Variants in POLR3B observed in about 807,000 individuals in gnomAD.
The protein encoded by POLR3B is DNA-directed RNA polymerase III subunit RPC2.
In POLR3B, 96 loss-of-function variants were observed where a neutral mutation model predicts 147.4. The observed-to-expected ratio is 0.65, with a 90% CI of 0.55 to 0.77. The LOEUF (loss-of-function observed/expected upper bound fraction) is 0.77, where lower values mean the gene tolerates loss of function less well. Ranked by LOEUF, POLR3B falls within the 30% of genes least tolerant of loss-of-function variation. The probability of loss-of-function intolerance (pLI) is 0.00; values close to 1 mark genes in which losing one functional copy is unlikely to be tolerated. For synonymous variants in POLR3B, 461 were observed against 485.9 expected, an observed-to-expected ratio of 0.95 and a Z score of 0.67; for missense variants, 1,036 against 1,413.5, an observed-to-expected ratio of 0.73 and a Z score of 4.28.
intron 23 of POLR3B, among the ~76,000 whole-genome samples, chr12:106,482,620 C>G (rs539685989): frequency 1.3e-5 from 2 of 152,258 alleles, no homozygotes; most frequent in African/African-American, 2.4e-5. Context: ...CTCCTCCCAC[C>G]AGGTTCTTCC....
intron 9 of POLR3B, among the ~76,000 whole-genome samples, chr12:106,383,319 G>T (rs2264812): frequency 0.9 from 136,831 of 152,242 alleles, 61,784 homozygotes; most frequent in East Asian, 1. Flanking sequence ...AATAGCACTT[G>T]TGATTTCCTT....
chr12:106,426,117 C>T (rs989692428), intron 12 of POLR3B, among the ~76,000 whole-genome samples: 2 of 152,070 alleles, frequency 1.3e-5, no homozygotes, highest in African/African-American at 4.8e-5. Context: ...GTGCCCTCCT[C>T]CTGCCAGCAG....
In POLR3B at chr12:106,376,353, A is replaced by T. The variant is rs757060723; in HGVS notation, c.405-6A>T. 1 of 1,599,996 alleles carries T rather than the reference A, an allele frequency of 6.3e-7. No individual in the cohort carries two copies. The highest frequency in any genetic ancestry group is 8.6e-7 in the Non-Finnish European group (1 of 1,169,040). ...GTGATATTTTCTTTTGTTTTATTTT[A>T]TACAGAATGCCCATAATGCTACGTA... On this transcript the variant is annotated splice_region_variant and splice_polypyrimidine_tract_variant and intron_variant, in intron 6 of 27. Coordinates refer to ENST00000228347, the MANE Select transcript of POLR3B (RefSeq NM_018082.6).
intron 23 of POLR3B, among the ~76,000 whole-genome samples, chr12:106,487,711 G>A (rs976987624): frequency 5.3e-5 from 8 of 152,196 alleles, no homozygotes; most frequent in East Asian, 1.9e-4. Flanking sequence ...CATCTGTCCC[G>A]CTCAAGCCTG....
intron 10 of POLR3B, among the ~76,000 whole-genome samples, chr12:106,400,242 A>T (rs909541918): frequency 6.6e-6 from 1 of 152,238 alleles, no homozygotes; most frequent in African/African-American, 2.4e-5. Flanking sequence ...AAAGAAGGCC[A>T]TTACATAATG....
chr12:106,495,214 A>G (rs2038461410), intron 23 of POLR3B, among the ~76,000 whole-genome samples: 1 of 152,216 alleles, frequency 6.6e-6, no homozygotes, highest in African/African-American at 2.4e-5. Context: ...ATGAAAAACT[A>G]TTTAGCAACA....
Position 106,496,761 on chromosome 12 carries a change from C to T in POLR3B, c.2827C>T (p.Leu943Phe). Residue 943 changes from leucine to phenylalanine, a missense_variant, in exon 25 of 28, where the codon CTC becomes TTC. Physicochemically the swap from Leu to Phe is conservative, Grantham distance 22. Coordinates refer to ENST00000228347, the MANE Select transcript of POLR3B (RefSeq NM_018082.6). ...GFPSRMTVGK[L>F]IELLAGKAGV... The stretch of plus-strand genomic sequence containing the variant: ...TGTTCACATCCTGCAGGTGGGGAAG[C>T]TCATTGAGCTGCTGGCTGGCAAGGC... 1.2e-6 allele frequency: 2 copies of T among 1,614,070 alleles called. No individual in the cohort carries two copies. Among genetic ancestry groups the T allele is most frequent in the Middle Eastern group, 1.7e-4 (1 of 6,060 alleles).
At chr12:106,366,495 T>C (rs1229285757) in intron 2 of POLR3B, 21 bp from the exon 3 acceptor site, 1 of 1,577,632 alleles carries the variant, frequency 6.3e-7, no homozygotes, top group Non-Finnish European at 8.7e-7. Context: ...ACCTGTTTAC[T>C]TTCTCTTTCT....
At chr12:106,400,438 TAACCAGGAATTG>T (rs1490662137) in intron 10 of POLR3B, among the ~76,000 whole-genome samples, 1 of 151,940 alleles carries the variant, frequency 6.6e-6, no homozygotes, top group African/African-American at 2.4e-5. Flanking sequence ...GACTGAAAGT[TAACCAGGAATTG>T]AACTCGACTC....
intron 21 of POLR3B, among the ~76,000 whole-genome samples, chr12:106,458,949 T>C (rs527240601): frequency 1.3e-5 from 2 of 152,286 alleles, no homozygotes; most frequent in Admixed American, 1.3e-4. Context: ...ATATATAAAA[T>C]TGCTATTTAC....
chr12:106,501,813 G>A (rs1299850471), intron 26 of POLR3B, among the ~76,000 whole-genome samples: 1 of 152,176 alleles, frequency 6.6e-6, no homozygotes, highest in East Asian at 1.9e-4. Flanking sequence ...GACACATGCA[G>A]ACATTATTTG....
At chr12:106,358,054 C>A (rs1365311946) in intron 1 of POLR3B, 103 bp downstream of exon 1, 1 of 1,555,404 alleles carries the variant, frequency 6.4e-7, no homozygotes, top group African/African-American at 1.3e-5. Context: ...GCGGTTTGTG[C>A]GCATGCGCCG....
intron 10 of POLR3B, among the ~76,000 whole-genome samples, chr12:106,395,736 AGGTG>A (rs1388112446): frequency 6.6e-6 from 1 of 152,018 alleles, no homozygotes; most frequent in Non-Finnish European, 1.5e-5. Flanking sequence ...CCAGAGGCCG[AGGTG>A]GGTGGATCAT....
At chr12:106,437,450 G>A (rs1362878667) in intron 17 of POLR3B, among the ~76,000 whole-genome samples, 1 of 152,016 alleles carries the variant, frequency 6.6e-6, no homozygotes, top group Non-Finnish European at 1.5e-5. Flanking sequence ...TTTAAGAAGT[G>A]GGGACTAGGT....
chr12:106,500,934 G>C (rs2038590278), intron 25 of POLR3B, among the ~76,000 whole-genome samples: 1 of 152,166 alleles, frequency 6.6e-6, no homozygotes, highest in African/African-American at 2.4e-5. Flanking sequence ...CATTTTAGAA[G>C]GCATCCCCCT....
At chr12:106,406,107 C>A in intron 11 of POLR3B, 131 bp downstream of exon 11, 1 of 898,060 alleles carries the variant, frequency 1.1e-6, no homozygotes, top group Non-Finnish European at 1.8e-6. Flanking sequence ...ACTGTACTGC[C>A]CCATCAGAAA....
chr12:106,427,583 T>C (rs2037455938), intron 13 of POLR3B, among the ~76,000 whole-genome samples: 1 of 152,186 alleles, frequency 6.6e-6, no homozygotes, highest in Admixed American at 6.5e-5. Context: ...AAATAGATAC[T>C]CTTATATAGA....
Position 106,357,769 on chromosome 12 carries a change from C to G in POLR3B, c.-111C>G. On this transcript the variant is annotated 5_prime_UTR_variant, in exon 1 of 28. Coordinates refer to ENST00000228347, the MANE Select transcript of POLR3B (RefSeq NM_018082.6). ...CCGCGTCTCTAGCTAACACGCACGG[C>G]GGGGACAGTTTAGGCCTCCGCGCAC... 9.4e-7 allele frequency: 1 copy of G among 1,064,210 alleles called. No individual in the cohort carries two copies. The highest frequency in any genetic ancestry group is 1.4e-6 in the Non-Finnish European group (1 of 706,112). The allele number at this position is 1,064,210 out of a possible 1,614,324, so 65.9% of individuals were successfully genotyped here. A position where few individuals can be genotyped will look rare whatever the true frequency, so the allele number is the denominator to read the frequency against.
intron 24 of POLR3B, 141 bp from the exon 25 acceptor site, chr12:106,496,611 A>G: frequency 1.3e-6 from 1 of 747,638 alleles, no homozygotes; most frequent in Non-Finnish European, 2.3e-6. Flanking sequence ...ATTAGATCAC[A>G]CATGTCAAGC....
Sources: allele counts gnomAD v4.1 joint callset (sites outside exome capture counted in the v4.1 genomes callset), GRCh38; gene constraint gnomAD v4.1.1; transcripts MANE v1.5; gene names NCBI Gene and HGNC (gene_info 2026-07-23, HGNC 2026-07-21).